ZNF117: variants seen among roughly 807,000 people sequenced by gnomAD.
The protein encoded by ZNF117 is Krueppel-related zinc finger protein.
ZNF117 carries 37 observed loss-of-function variants against 41.2 expected under a neutral mutation model. The ratio of observed to expected loss-of-function variants is 0.90; its 90% CI spans 0.69 to 1.18. The LOEUF is 1.18. Ranked by LOEUF, ZNF117 falls within the 50% of genes most tolerant of loss-of-function variation. The probability of loss-of-function intolerance (pLI) is 0.00; values close to 1 mark genes in which losing one functional copy is unlikely to be tolerated. For synonymous variants in ZNF117, 186 were observed against 186.6 expected, an observed-to-expected ratio of 1.00 and a Z score of 0.02; for missense variants, 546 against 557.5, an observed-to-expected ratio of 0.98 and a Z score of 0.21.
At chr7:64,978,669 C>A in exon 3 of ZNF117, 1 of 1,611,898 alleles carries the variant, frequency 6.2e-7, no homozygotes, top group Non-Finnish European at 8.5e-7. Flanking sequence ...GGGCTTCTCT[C>A]CACTATGAAT....
At chr7:64,972,681 C>A (rs1785801472), downstream of ZNF117, 1 of 151,916 alleles carries the variant, frequency 6.6e-6, no homozygotes, top group South Asian at 2.1e-4. Flanking sequence ...TCAAAGAATA[C>A]ATAATTATAG....
chr7:64,989,003 A>C (rs1786195041), intron 1 of ZNF117, among the ~76,000 whole-genome samples: 1 of 152,176 alleles, frequency 6.6e-6, no homozygotes, highest in African/African-American at 2.4e-5. Flanking sequence ...CAATATCATT[A>C]AAATGGCCAT....
chr7:64,974,531 G>A (rs1785838179), exon 3 of ZNF117: 1 of 151,726 alleles, frequency 6.6e-6, no homozygotes, highest in African/African-American at 2.4e-5. Context: ...TTGAAAATAG[G>A]TACAAACTCA....
chr7:64,987,730 C>T (rs1466312444), intron 1 of ZNF117, among the ~76,000 whole-genome samples: 1 of 151,660 alleles, frequency 6.6e-6, no homozygotes, highest in East Asian at 1.9e-4. Flanking sequence ...CATCTGTAGT[C>T]CCAGCTCTCA....
exon 3 of ZNF117, chr7:64,978,365 T>C (rs774136754): frequency 1.2e-6 from 2 of 1,613,692 alleles, no homozygotes; most frequent in South Asian, 2.2e-5. Context: ...TACTAAGTTT[T>C]GAGGATAGGT....
chr7:64,984,722 A>T (rs1456955495), upstream of ZNF117, among the ~76,000 whole-genome samples: 4 of 149,228 alleles, frequency 2.7e-5, no homozygotes, highest in Non-Finnish European at 4.4e-5. Context: ...TAGGATTTTT[A>T]AAAATTGTCT....
intron 1 of ZNF117, among the ~76,000 whole-genome samples, chr7:64,987,681 C>G (rs1786162955): frequency 6.6e-6 from 1 of 151,938 alleles, no homozygotes; most frequent in African/African-American, 2.4e-5. Context: ...ACTAAAAAAT[C>G]TGAAAGAAAT....
At chr7:64,973,627 T>A (rs2129117386), downstream of ZNF117, 1 of 151,978 alleles carries the variant, frequency 6.6e-6, no homozygotes, top group Non-Finnish European at 1.5e-5. Flanking sequence ...ATACCAACTT[T>A]CTCATCAAAA....
chr7:64,981,502 TA>T lies in ZNF117; in HGVS notation c.-62-21del, dbSNP rs1191845706. 3.4e-5 allele frequency: 52 copies of T among 1,540,228 alleles called. No homozygotes were observed. The highest frequency in any genetic ancestry group is 4.3e-5 in the Non-Finnish European group (48 of 1,114,556). On this transcript the variant is annotated intron_variant, in intron 1 of 2. Transcript: ENST00000620222. The stretch of plus-strand genomic sequence containing the variant: ...CAATACCTGTTTTATTGAAAATAAA[TA>T]ACATAAATCTTGCACATATTCTCCA...
At chr7:64,982,950 A>G (rs1786062809), upstream of ZNF117, among the ~76,000 whole-genome samples, 1 of 152,250 alleles carries the variant, frequency 6.6e-6, no homozygotes, top group Admixed American at 6.5e-5. Context: ...CTGCTGCGAT[A>G]TTGATCTCAA....
exon 3 of ZNF117, chr7:64,977,929 T>C: frequency 8.1e-7 from 1 of 1,237,138 alleles, no homozygotes; most frequent in Non-Finnish European, 1.2e-6. Flanking sequence ...TGAATTCTTT[T>C]ATGTGTAGAA....
At chr7:64,984,387 C>G (rs781071450), upstream of ZNF117, among the ~76,000 whole-genome samples, 2 of 152,200 alleles carry the variant, frequency 1.3e-5, no homozygotes, top group Non-Finnish European at 2.9e-5. Context: ...CTGCCTGGAC[C>G]TCCCACCACC....
chr7:64,985,257 A>AG (rs1786111252), upstream of ZNF117, among the ~76,000 whole-genome samples: 7 of 152,248 alleles, frequency 4.6e-5, no homozygotes, highest in African/African-American at 1.7e-4. Flanking sequence ...AAGCACAACT[A>AG]CAGACTCCAC....
At position 64,981,379 on chromosome 7, in the gene ZNF117, T is replaced by C. The variant is rs1425786361; in HGVS notation, c.34+8A>G. ...CTCTGTGCCATCTGTGTATTCACTC[T>C]CACTTACCTAAATGTTTAGCTACCA... On this transcript the variant is annotated splice_region_variant and intron_variant, in intron 2 of 2. Coordinates refer to ENST00000620222, the Ensembl canonical transcript of ZNF117. 1 of 1,613,148 alleles carries C rather than the reference T, an allele frequency of 6.2e-7. No homozygotes were observed.
upstream of ZNF117, among the ~76,000 whole-genome samples, chr7:64,985,950 C>CAAAAA (rs66524694): frequency 1.4e-3 from 110 of 80,592 alleles, no homozygotes; most frequent in East Asian, 1.9e-3. Context: ...GACTCCATCT[C>CAAAAA]AAAAAAAAAA....
exon 3 of ZNF117, chr7:64,978,815 T>G (rs1386908350): frequency 3.1e-6 from 5 of 1,613,444 alleles, no homozygotes; most frequent in Non-Finnish European, 4.2e-6. Context: ...TGCCGCATTC[T>G]TCACATTCAT....
chr7:64,976,685 C>G (rs1785895490), exon 3 of ZNF117: 2 of 288,374 alleles, frequency 6.9e-6, no homozygotes, highest in South Asian at 6.7e-5. Flanking sequence ...TACCTACAAT[C>G]AAGTGTGACA....
chr7:64,975,684 G>A (rs756332523), exon 3 of ZNF117: 4 of 152,010 alleles, frequency 2.6e-5, no homozygotes, highest in Non-Finnish European at 5.9e-5. Context: ...TACTTTAAAT[G>A]TAATTATAAC....
rs201978453 is a variant in ZNF117 at position 64,979,232 on chromosome 7, T to C, written c.339A>G (p.Glu113=). 18 of 1,609,232 alleles carry C rather than the reference T, an allele frequency of 1.1e-5. No homozygotes were observed. The African/African-American group carries it at 1.5e-4, about 13-fold the overall frequency. Reference sequence around the variant, plus strand: ...AAAGCATGCAAAATGTTTTGCGACATTCTTTACATTTAAAATGTTTATTTT... The same window carrying C: ...AAAGCATGCAAAATGTTTTGCGACACTCTTTACATTTAAAATGTTTATTTT... Residue 113 remains glutamate, a synonymous_variant, in exon 3 of 3, where the codon GAA becomes GAG. Coordinates refer to ENST00000620222, the Ensembl canonical transcript of ZNF117.
Sources: allele counts gnomAD v4.1 joint callset (sites outside exome capture counted in the v4.1 genomes callset), GRCh38; gene constraint gnomAD v4.1.1; transcripts MANE v1.5; gene names NCBI Gene and HGNC (gene_info 2026-07-23, HGNC 2026-07-21).